DDR1: variants seen among roughly 807,000 people sequenced by gnomAD.
The protein encoded by DDR1 is epithelial discoidin domain-containing receptor 1.
Under a neutral mutation model 97.4 loss-of-function variants are expected in DDR1, and 64 were observed. That is an observed-to-expected ratio of 0.66 (90% CI 0.54 to 0.81). The LOEUF (loss-of-function observed/expected upper bound fraction) is 0.81. Ranked by LOEUF, DDR1 falls within the 30% of genes least tolerant of loss-of-function variation. DDR1 has a pLI of 0.00. For synonymous variants in DDR1, 458 were observed against 503.7 expected, an observed-to-expected ratio of 0.91 and a Z score of 1.21; for missense variants, 990 against 1,259.6, an observed-to-expected ratio of 0.79 and a Z score of 3.24.
At chr6:30,893,557 A>G in intron 10 of DDR1, 134 bp downstream of exon 10, 2 of 1,437,072 alleles carry the variant, frequency 1.4e-6, no homozygotes, top group East Asian at 2.5e-5. Context: ...CACTTACACC[A>G]TGTCAAAGAG....
rs770747399 is a variant in DDR1 at position 30,891,283 on chromosome 6, A to C, written c.566-97A>C. On this transcript the variant is annotated intron_variant, in intron 5 of 17. Coordinates refer to ENST00000376568, the MANE Select transcript of DDR1 (RefSeq NM_001297654.2). This position sits in a 1 kb window ranked among gnomAD's most constrained non-coding sequence, Gnocchi z 5.3. ...CCTCCATGCCAATGAGCCAGTGGAG[A>C]GATACAAGAAGGGACCTGAAACCTG... The C allele has an allele frequency of 7.1e-7, 1 of 1,400,558 alleles. No individual in the cohort carries two copies. Among genetic ancestry groups the C allele is most frequent in the East Asian group, 2.3e-5 (1 of 43,288 alleles). 86.8% of individuals were successfully genotyped at this position (1,400,558 alleles called of 1,614,324 possible).
intron 11 of DDR1, 139 bp from the exon 12 acceptor site, chr6:30,895,265 C>T: frequency 3.1e-6 from 2 of 642,852 alleles, no homozygotes; most frequent in South Asian, 4.1e-5. Flanking sequence ...CGTCACTCTG[C>T]AGATCCTTGT....
rs1308690613 is a variant in DDR1, at chr6:30,897,525, C to T, written c.2144C>T (p.Ala715Val). The T allele has an allele frequency of 3.1e-6, 5 of 1,613,988 alleles. No homozygotes were observed. Among genetic ancestry groups the T allele is most frequent in the Non-Finnish European group, 4.2e-6 (5 of 1,180,036 alleles). The change falls in exon 15 of 18, where the codon GCC (alanine) becomes GTC (valine). Residue 715 changes from alanine to valine, a missense_variant. Transcript: ENST00000376568. This position sits in a 1 kb window ranked among gnomAD's most constrained non-coding sequence, Gnocchi z 5.2. The stretch of plus-strand genomic sequence containing the variant: ...GGCGACCTCAACCAGTTCCTCAGTG[C>T]CCACCAGCTGGAGGACAAGGCAGCC... ...ENGDLNQFLS[A>V]HQLEDKAAEG...
At chr6:30,899,099 T>C (rs1279978462) in intron 17 of DDR1, 57 bp from the exon 18 acceptor site, 5 of 1,614,142 alleles carry the variant, frequency 3.1e-6, no homozygotes, top group Non-Finnish European at 3.4e-6. Context: ...AGAGTTGTCA[T>C]CTTGGAGACT....
Position 30,894,393 on chromosome 6 carries a change from C to G in DDR1, c.1348-113C>G. ...TGTAAGATGGTGCTGATAGTATCCA[C>G]AGCTGTAGGGCTCTTGTGAGGGCTG... On this transcript the variant is annotated intron_variant, in intron 10 of 17. Transcript: ENST00000376568. This position sits in a 1 kb window ranked among gnomAD's most constrained non-coding sequence, Gnocchi z 5.7. The G allele has an allele frequency of 1.9e-6, 2 of 1,042,568 alleles. No homozygotes were observed. The allele number at this position is 1,042,568 out of a possible 1,614,324, so 64.6% of individuals were successfully genotyped here. A position where few individuals can be genotyped will look rare whatever the true frequency, so the allele number is the denominator to read the frequency against.
rs1213337680 is a variant in DDR1 at position 30,884,940 on chromosome 6, G to A, written c.-43+230G>A. 1 of 447,566 alleles carries A rather than the reference G, an allele frequency of 2.2e-6. No homozygotes were observed. The highest frequency in any genetic ancestry group is 4.0e-6 in the Non-Finnish European group (1 of 249,606). 27.7% of individuals were successfully genotyped at this position (447,566 alleles called of 1,614,324 possible). A position where few individuals can be genotyped will look rare whatever the true frequency, so the allele number is the denominator to read the frequency against. On this transcript the variant is annotated intron_variant, in intron 1 of 17. Coordinates refer to ENST00000376568, the MANE Select transcript of DDR1 (RefSeq NM_001297654.2). This position sits in a 1 kb window ranked among gnomAD's most constrained non-coding sequence, Gnocchi z 6.1. The stretch of plus-strand genomic sequence containing the variant: ...TGAAGCCCGTGACCTCCCAGAAAGA[G>A]TTTTGAGCCTCCAGCCTTGAGGCAA...
chr6:30,884,125 C>T (rs900664090), upstream of DDR1: 7 of 152,318 alleles, frequency 4.6e-5, no homozygotes, highest in African/African-American at 1.7e-4. The surrounding 1 kb of genome is among the most constrained non-coding windows in gnomAD (Gnocchi z 6.1). Flanking sequence ...CAGCCAGCCC[C>T]CTGGGGCGCC....
rs1252219935 is a variant in DDR1 at position 30,886,342 on chromosome 6, G to A, written c.-43+1632G>A. Among the ~76,000 whole-genome samples, 1 of 152,096 alleles carries A rather than the reference G, an allele frequency of 6.6e-6. No individual in the cohort carries two copies. Among genetic ancestry groups the A allele is most frequent in the Non-Finnish European group, 1.5e-5 (1 of 68,012 alleles). On this transcript the variant is annotated intron_variant, in intron 1 of 17. Transcript: ENST00000376568. This position sits in a 1 kb window ranked among gnomAD's most constrained non-coding sequence, Gnocchi z 4.6. ...GGTGGGGTTGGAGAGCGGCACCCAG[G>A]AATTCCAAGCCAGTCTCCTGGGACT...
In DDR1 at chr6:30,899,238, G is replaced by T. The variant is rs767934466; in HGVS notation, c.2684G>T (p.Arg895Leu). The change falls in exon 18 of 18, where the codon CGA becomes CTA. Residue 895 changes from arginine (R) to leucine (L), a missense_variant. Arg to Leu is a moderately radical substitution (Grantham distance 102). Coordinates refer to ENST00000376568, the MANE Select transcript of DDR1 (RefSeq NM_001297654.2). ...LRCWSRESEQ[R>L]PPFSQLHRFL... ...TGCTGGAGCCGGGAGTCTGAGCAGC[G>T]ACCACCCTTTTCCCAGCTGCATCGG... is the stretch of plus-strand genomic sequence containing the variant. 1 of 1,614,122 alleles carries T rather than the reference G, an allele frequency of 6.2e-7. No homozygotes were observed. The highest frequency in any genetic ancestry group is 8.5e-7 in the Non-Finnish European group (1 of 1,180,004).
At chr6:30,883,792 G>A (rs939083162), upstream of DDR1, 1 of 152,602 alleles carries the variant, frequency 6.6e-6, no homozygotes, top group Non-Finnish European at 1.5e-5. The surrounding 1 kb of genome is among the most constrained non-coding windows in gnomAD (Gnocchi z 4.9). Context: ...GAACTGAGAG[G>A]AGAAGGAGAA....
Position 30,899,951 on chromosome 6 carries a change from T to TG in DDR1, c.*661dup. On this transcript the variant is annotated 3_prime_UTR_variant, in exon 18 of 18. Coordinates refer to ENST00000376568, the MANE Select transcript of DDR1 (RefSeq NM_001297654.2). ...GTTTCTGTGGAGTAAATATTGGGAT[T>TG]GGGGGGAAAGAGGGAGCAACGGCCC... is the stretch of plus-strand genomic sequence containing the variant. The TG allele has an allele frequency of 1.8e-6, 1 of 555,708 alleles. No homozygotes were observed. The highest frequency in any genetic ancestry group is 1.5e-5 in the South Asian group (1 of 66,174). The allele number at this position is 555,708 out of a possible 1,614,324, so 34.4% of individuals were successfully genotyped here. A position where few individuals can be genotyped will look rare whatever the true frequency, so the allele number is the denominator to read the frequency against.
chr6:30,894,251 A>C lies in DDR1; in HGVS notation c.1348-255A>C, dbSNP rs560085209. Among the ~76,000 whole-genome samples the C allele has an allele frequency of 1.4e-3, 207 of 152,244 alleles. 3 individuals carry two copies. In the South Asian group the frequency reaches 0.031, roughly 23 times the overall value. On this transcript the variant is annotated intron_variant, in intron 10 of 17. Coordinates refer to ENST00000376568, the MANE Select transcript of DDR1 (RefSeq NM_001297654.2). This position sits in a 1 kb window ranked among gnomAD's most constrained non-coding sequence, Gnocchi z 5.7. ...GACAAGAGCAAAATTCCATCTCAAAAAAACAAACAAACAAAAAAAAAACGG... is the reference window on the plus strand; with the variant it reads ...GACAAGAGCAAAATTCCATCTCAAACAAACAAACAAACAAAAAAAAAACGG...
chr6:30,891,000 G>A lies in DDR1; in HGVS notation c.445G>A (p.Gly149Arg). 1.9e-6 allele frequency: 3 copies of A among 1,611,762 alleles called. No individual in the cohort carries two copies. Among genetic ancestry groups the A allele is most frequent in the Admixed American group, 3.3e-5 (2 of 59,870 alleles). Residue 149 changes from glycine to arginine, a missense_variant, in exon 5 of 18, where the codon GGA becomes AGA. Gly to Arg is a moderately radical substitution (Grantham distance 125). Coordinates refer to ENST00000376568, the MANE Select transcript of DDR1 (RefSeq NM_001297654.2). The surrounding 1 kb of genome is among the most constrained non-coding windows in gnomAD (Gnocchi z 5.0). ...EVISGNEDPE[G>R]VVLKDLGPPM... The stretch of plus-strand genomic sequence containing the variant: ...GATCTCAGGCAATGAGGACCCTGAG[G>A]GAGTGGTGCTGAAGGACCTTGGGCC...
upstream of DDR1, chr6:30,884,212 G>A (rs1264325): frequency 0.074 from 11,258 of 152,030 alleles, 601 homozygotes; most frequent in Non-Finnish European, 0.12. The surrounding 1 kb of genome is among the most constrained non-coding windows in gnomAD (Gnocchi z 6.1). Flanking sequence ...GAGCCGGCCG[G>A]AGGCAGCGGC....
intron 1 of DDR1, chr6:30,885,382 G>A: frequency 1.0e-6 from 1 of 1,003,506 alleles, no homozygotes; most frequent in Non-Finnish European, 1.4e-6. Context: ...TGGTGTGGTG[G>A]AGACAGGTGA....
In DDR1 at chr6:30,884,527, C is replaced by G. The variant is rs1272403437; in HGVS notation, c.-226C>G. 6.6e-6 allele frequency: 1 copy of G among 151,942 alleles called. No individual in the cohort carries two copies. The highest frequency in any genetic ancestry group is 6.5e-5 in the Admixed American group (1 of 15,272). 9.4% of individuals were successfully genotyped at this position (151,942 alleles called of 1,614,324 possible). A position where few individuals can be genotyped will look rare whatever the true frequency, so the allele number is the denominator to read the frequency against. On this transcript the variant is annotated 5_prime_UTR_variant, in exon 1 of 18. Transcript: ENST00000376568. The surrounding 1 kb of genome is among the most constrained non-coding windows in gnomAD (Gnocchi z 6.1). ...GAGCCGCCCCAGCCCTGGCTCCTCT[C>G]CCCGGAACAGGCCCCCGACAGCTGC...
chr6:30,896,946 T>G (rs1186221628), intron 13 of DDR1, 68 bp from the exon 14 acceptor site: 13 of 1,575,636 alleles, frequency 8.3e-6, no homozygotes, highest in Non-Finnish European at 1.1e-5. Context: ...CCAGGAACCT[T>G]AGTCATTTGT....
chr6:30,893,013 C>G, intron 8 of DDR1, 55 bp from the exon 9 acceptor site: 2 of 1,481,412 alleles, frequency 1.4e-6, no homozygotes, highest in Non-Finnish European at 1.9e-6. Flanking sequence ...CCTCTGCCTC[C>G]CTTGGGTCTC....
chr6:30,899,152 G>A lies in DDR1; in HGVS notation c.2602-4G>A, dbSNP rs115029731. ...TGACTCTCATCCACACTGCCACAATGCAGGTGTACCTGTCCCGGCCGCCTG... is the reference window on the plus strand; with the variant it reads ...TGACTCTCATCCACACTGCCACAATACAGGTGTACCTGTCCCGGCCGCCTG... On this transcript the variant is annotated splice_region_variant and splice_polypyrimidine_tract_variant and intron_variant, in intron 17 of 17. Coordinates refer to ENST00000376568, the MANE Select transcript of DDR1 (RefSeq NM_001297654.2). 0.011 allele frequency: 18,098 copies of A among 1,614,216 alleles called. 140 individuals are homozygous for A. Among genetic ancestry groups the A allele is most frequent in the Non-Finnish European group, 0.013 (15,860 of 1,180,022 alleles).
Sources: gnomAD v4.1 joint callset for allele counts (sites outside exome capture counted in the v4.1 genomes callset) on GRCh38, gnomAD v4.1.1 for gene constraint, Gnocchi (gnomAD v3.1) non-coding constraint, MANE v1.5 for transcripts, NCBI Gene and HGNC (gene_info 2026-07-23, HGNC 2026-07-21) for gene names.